Variants in ARHGEF7 observed in about 807,000 individuals in gnomAD.
The protein encoded by ARHGEF7 is Rho guanine nucleotide exchange factor 7, also known as PAK-interacting exchange factor beta.
ARHGEF7 carries 33 observed loss-of-function variants against 109.8 expected under a neutral mutation model. That is an observed-to-expected ratio of 0.30 (90% CI 0.23 to 0.40). The LOEUF (loss-of-function observed/expected upper bound fraction) is 0.40. Among genes scored for constraint, ARHGEF7 ranks in the 10% least tolerant of loss-of-function variants. ARHGEF7 has a pLI of 1.00. For missense variants in ARHGEF7, 938 were observed against 1,098.5 expected, an observed-to-expected ratio of 0.85 and a Z score of 2.07; for synonymous variants, 458 against 424.6, an observed-to-expected ratio of 1.08 and a Z score of -0.97.
At chr13:111,240,177 C>A (rs2087521467) in intron 6 of ARHGEF7, among the ~76,000 whole-genome samples, 1 of 152,210 alleles carries the variant, frequency 6.6e-6, no homozygotes, top group African/African-American at 2.4e-5. Context: ...TGTCGCCATG[C>A]TGCTGTGCAG....
chr13:111,147,865 T>A (rs1052395118), intron 1 of ARHGEF7, among the ~76,000 whole-genome samples: 1 of 151,708 alleles, frequency 6.6e-6, no homozygotes, highest in Non-Finnish European at 1.5e-5. Flanking sequence ...ACCCGGCTAA[T>A]TTTTTGTATT....
chr13:111,210,049 G>A, intron 4 of ARHGEF7, 47 bp downstream of exon 4: 1 of 1,611,316 alleles, frequency 6.2e-7, no homozygotes, highest in Admixed American at 1.7e-5. Flanking sequence ...GGAAGGATAT[G>A]AGTGTGTATG....
chr13:111,292,545 G>A (rs2093322151), intron 19 of ARHGEF7: 8 of 1,398,618 alleles, frequency 5.7e-6, no homozygotes, highest in Non-Finnish European at 7.4e-6. Context: ...GTGTTCACGT[G>A]AGCCTACATC....
chr13:111,234,801 A>G (rs2086577521), intron 6 of ARHGEF7, among the ~76,000 whole-genome samples: 1 of 151,760 alleles, frequency 6.6e-6, no homozygotes, highest in Non-Finnish European at 1.5e-5. Flanking sequence ...GGACTTTGAG[A>G]AGATCAGACT....
In ARHGEF7 at chr13:111,305,219, G is replaced by A. The variant is rs368888091; in HGVS notation, c.*2106G>A. 3 of 152,130 alleles carry A rather than the reference G, an allele frequency of 2.0e-5. No individual in the cohort carries two copies. Among genetic ancestry groups the A allele is most frequent in the Admixed American group, 6.5e-5 (1 of 15,278 alleles). The allele number at this position is 152,130 out of a possible 1,614,324, so 9.4% of individuals were successfully genotyped here. A position where few individuals can be genotyped will look rare whatever the true frequency, so the allele number is the denominator to read the frequency against. Reference sequence around the variant, plus strand: ...TTTCTGTGGATCCAGTATCTTCCTCGGCTTTTTAGGGAGCAGGAAAAATGC... The same window carrying A: ...TTTCTGTGGATCCAGTATCTTCCTCAGCTTTTTAGGGAGCAGGAAAAATGC... On this transcript the variant is annotated 3_prime_UTR_variant, in exon 22 of 22. Transcript: ENST00000646102.
intron 1 of ARHGEF7, among the ~76,000 whole-genome samples, chr13:111,128,246 G>A (rs576396361): frequency 1.3e-4 from 20 of 152,350 alleles, no homozygotes; most frequent in Admixed American, 2.0e-4. Context: ...AAGCCATCTA[G>A]ATTGAAAAGG....
chr13:111,281,181 C>CTTTTTTTTTTTTTTTTTTTTTTTTT lies in ARHGEF7; in HGVS notation c.1725+508_1725+532dup, dbSNP rs11403258. On this transcript the variant is annotated intron_variant, in intron 15 of 21. Transcript: ENST00000646102. Reference sequence around the variant, plus strand: ...CAACAAGTCTTTGGATATTTAGAGACTTTTTTTTTTTTTTTTTTTTTTTTT... The same window carrying CTTTTTTTTTTTTTTTTTTTTTTTTT: ...CAACAAGTCTTTGGATATTTAGAGACTTTTTTTTTTTTTTTTTTTTTTTTTTTTTTTTTTTTTTTTTTTTTTTTTT... The CTTTTTTTTTTTTTTTTTTTTTTTTT allele has an allele frequency of 1.3e-4, 8 of 59,444 alleles. 1 individual carries two copies. The highest frequency in any genetic ancestry group is 2.3e-4 in the Admixed American group (1 of 4,316). 3.7% of individuals were successfully genotyped at this position (59,444 alleles called of 1,614,324 possible). A position where few individuals can be genotyped will look rare whatever the true frequency, so the allele number is the denominator to read the frequency against.
At position 111,280,651 on chromosome 13, in the gene ARHGEF7, A is replaced by C. The variant is rs1279831643; in HGVS notation, c.1699A>C (p.Lys567Gln). The C allele has an allele frequency of 1.9e-6, 3 of 1,607,250 alleles. No homozygotes were observed. Among genetic ancestry groups the C allele is most frequent in the Non-Finnish European group, 2.5e-6 (3 of 1,177,306 alleles). Reference sequence around the variant, plus strand: ...CACGTCTGTGGGAAACCCCACCATAAAGCCTCATTCAGTGCCATCTCATAC... The same window carrying C: ...CACGTCTGTGGGAAACCCCACCATACAGCCTCATTCAGTGCCATCTCATAC... ...KVTSVGNPTI[K>Q]PHSVPSHTLP... Residue 567 changes from lysine (K) to glutamine (Q), a missense_variant, in exon 15 of 22, where the codon AAG (lysine) becomes CAG (glutamine). Around this residue, in one of 4 missense-constraint regions of ARHGEF7, gnomAD observed 585 missense variants for 723.6 expected, o/e 0.81. Coordinates refer to ENST00000646102, the MANE Select transcript of ARHGEF7 (RefSeq NM_001354046.2).
In ARHGEF7 at chr13:111,267,662, G is replaced by A. The variant is rs761389329; in HGVS notation, c.1065G>A (p.Thr355=). 1.3e-5 allele frequency: 21 copies of A among 1,613,644 alleles called. No individual in the cohort carries two copies. Among genetic ancestry groups the A allele is most frequent in the East Asian group, 1.1e-4 (5 of 44,872 alleles). Residue 355 remains threonine (T), a synonymous_variant, in exon 9 of 22, where the codon ACG becomes ACA. Transcript: ENST00000646102. ...ACCCTTCTGCAGTGAATGTCCTCAC[G>A]GAACACAGGTGCGCTTGCTAGGCAC... ...ANHPSAVNVL[T]EHSEELGEFM... is the part of the protein sequence containing the mutation.
intron 8 of ARHGEF7, among the ~76,000 whole-genome samples, chr13:111,253,561 C>T (rs542597020): frequency 2.0e-5 from 3 of 152,278 alleles, no homozygotes; most frequent in South Asian, 2.1e-4. Context: ...TAGATGCCAG[C>T]GCATGGGCTG....
chr13:111,182,733 TG>T (rs1483761068), intron 2 of ARHGEF7: 1 of 152,208 alleles, frequency 6.6e-6, no homozygotes, highest in African/African-American at 2.4e-5. Flanking sequence ...TCAGAGAAAT[TG>T]GGCCTAGCAT....
At chr13:111,187,128 G>A in intron 2 of ARHGEF7, 2 of 510,748 alleles carry the variant, frequency 3.9e-6, no homozygotes, top group Non-Finnish European at 5.1e-6. Context: ...TAGTGCTACA[G>A]TGGTGTCCCT....
chr13:111,194,091 C>T (rs770289714), intron 2 of ARHGEF7, among the ~76,000 whole-genome samples: 21 of 152,154 alleles, frequency 1.4e-4, no homozygotes, highest in South Asian at 2.1e-4. Flanking sequence ...CGGCCACCGC[C>T]GCAACTACCC....
chr13:111,124,828 C>T (rs879335099), intron 1 of ARHGEF7, among the ~76,000 whole-genome samples: 9 of 152,184 alleles, frequency 5.9e-5, no homozygotes, highest in Admixed American at 5.2e-4. Flanking sequence ...GGCACGATCT[C>T]GGCTCACTCC....
At chr13:111,182,944 T>A (rs960813102) in intron 2 of ARHGEF7, among the ~76,000 whole-genome samples, 45 of 152,320 alleles carry the variant, frequency 3.0e-4, no homozygotes, top group Middle Eastern at 3.4e-3. Context: ...GTGAGATGAT[T>A]TTGCCCAACT....
intron 2 of ARHGEF7, among the ~76,000 whole-genome samples, chr13:111,161,333 A>G (rs1244873067): frequency 6.6e-6 from 1 of 151,900 alleles, no homozygotes; most frequent in African/African-American, 2.4e-5. Flanking sequence ...ATTATCAGGT[A>G]TTTGCTTTGC....
chr13:111,278,385 C>T (rs565238026), intron 13 of ARHGEF7, among the ~76,000 whole-genome samples: 90 of 152,268 alleles, frequency 5.9e-4, no homozygotes, highest in African/African-American at 2.0e-3. Context: ...CCAGTCACCA[C>T]GTAACCACTG....
intron 1 of ARHGEF7, among the ~76,000 whole-genome samples, chr13:111,135,101 G>C (rs1454679279): frequency 6.6e-6 from 1 of 152,210 alleles, no homozygotes; most frequent in Non-Finnish European, 1.5e-5. Context: ...TCAAAGATCA[G>C]ATAGTTGTAG....
At chr13:111,174,340 G>T (rs888901967) in intron 2 of ARHGEF7, among the ~76,000 whole-genome samples, 8 of 152,150 alleles carry the variant, frequency 5.3e-5, no homozygotes, top group African/African-American at 1.9e-4. Context: ...CCCTCTGTTG[G>T]CACCTGTTGT....
Sources: allele counts gnomAD v4.1 joint callset (sites outside exome capture counted in the v4.1 genomes callset), GRCh38; gene constraint gnomAD v4.1.1; regional missense constraint gnomAD v4.1.1; transcripts MANE v1.5; gene names NCBI Gene and HGNC (gene_info 2026-07-23, HGNC 2026-07-21).